Variants in STK3 observed in about 807,000 individuals in gnomAD.
STK3 encodes serine/threonine kinase 3, also known as serine/threonine-protein kinase 3.
A neutral mutation model predicts 58.0 loss-of-function variants in STK3; 41 were observed. The ratio of observed to expected loss-of-function variants is 0.71; its 90% confidence interval spans 0.55 to 0.92. STK3 has a LOEUF of 0.92. Among genes scored for constraint, STK3 ranks in the 40% least tolerant of loss-of-function variants. STK3 has a pLI of 0.00. For synonymous variants in STK3, 170 were observed against 191.0 expected, an observed-to-expected ratio of 0.89 and a Z score of 0.91; for missense variants, 479 against 602.7, an observed-to-expected ratio of 0.79 and a Z score of 2.15.
chr8:98,569,328 A>G (rs1404911647), intron 8 of STK3, among the ~76,000 whole-genome samples: 1 of 152,158 alleles, frequency 6.6e-6, no homozygotes, highest in Non-Finnish European at 1.5e-5. Flanking sequence ...GACAGAAGAC[A>G]GCATCAGGGA....
intron 6 of STK3, among the ~76,000 whole-genome samples, chr8:98,638,810 G>A (rs1325174087): frequency 6.6e-6 from 1 of 152,110 alleles, no homozygotes. Context: ...GAGCACAGAG[G>A]GGGTGGTTTA....
chr8:98,754,720 G>T (rs560598220), intron 3 of STK3, among the ~76,000 whole-genome samples: 5 of 151,992 alleles, frequency 3.3e-5, no homozygotes, highest in Non-Finnish European at 7.4e-5. Flanking sequence ...ATGTTGACCA[G>T]GCTTGTCTTG....
At chr8:98,569,567 T>C (rs1016922934) in intron 8 of STK3, among the ~76,000 whole-genome samples, 1 of 150,998 alleles carries the variant, frequency 6.6e-6, no homozygotes, top group African/African-American at 2.4e-5. Context: ...TTTGGGAATA[T>C]AGCATTTGGG....
At chr8:98,712,459 A>G (rs1345702569) in intron 4 of STK3, among the ~76,000 whole-genome samples, 2 of 151,958 alleles carry the variant, frequency 1.3e-5, no homozygotes, top group Middle Eastern at 3.4e-3. Context: ...CAAATGGAAA[A>G]CAAAAAAAGG....
rs1189807446 is a variant in STK3, at chr8:98,858,323, T to TATATAG, written c.110+25323_110+25324insCTATAT. On this transcript the variant is annotated intron_variant, in intron 3 of 12. Transcript: ENST00000523601. ...ATATATATATATATATATATATATATAGAGAGAGAGAGAGAGAGAGAGAGA... is the reference window on the plus strand; with the variant it reads ...ATATATATATATATATATATATATATATATAGAGAGAGAGAGAGAGAGAGAGAGAGA... Among the ~76,000 whole-genome samples, 109 of 16,266 alleles carry TATATAG rather than the reference T, an allele frequency of 6.7e-3. 1 individual carries two copies. The highest frequency in any genetic ancestry group is 9.5e-3 in the Admixed American group (9 of 948). The allele number at this position is 16,266 out of a possible 152,430, so 10.7% of individuals were successfully genotyped here.
At chr8:98,361,175 G>A in the STK3 span, among the ~76,000 whole-genome samples, 1 of 152,166 alleles carries the variant, frequency 6.6e-6, no homozygotes, top group African/African-American at 2.4e-5. Context: ...ACTTTAATGA[G>A]TGCTCAGAAG....
chr8:98,790,623 C>A (rs1487933671), intron 1 of STK3, among the ~76,000 whole-genome samples: 1 of 152,196 alleles, frequency 6.6e-6, no homozygotes, highest in Non-Finnish European at 1.5e-5. Context: ...AGGATGCCCA[C>A]TCTCACCACT....
chr8:98,904,003 T>C (rs952396201), intron 1 of STK3, among the ~76,000 whole-genome samples: 2 of 152,202 alleles, frequency 1.3e-5, no homozygotes, highest in African/African-American at 2.4e-5. Context: ...GTCTTTTTTT[T>C]CTTAAGTGTT....
chr8:98,495,256 G>A (rs1823033200), intron 10 of STK3, among the ~76,000 whole-genome samples: 1 of 152,120 alleles, frequency 6.6e-6, no homozygotes, highest in African/African-American at 2.4e-5. Context: ...CAAACAGGAG[G>A]AATACATTTT....
chr8:98,700,254 C>T (rs1825443508), intron 6 of STK3, among the ~76,000 whole-genome samples: 1 of 152,228 alleles, frequency 6.6e-6, no homozygotes, highest in Non-Finnish European at 1.5e-5. Flanking sequence ...CCCGATTTTC[C>T]AGGTGCCGTC....
Position 98,749,514 on chromosome 8 carries a change from T to C in STK3, c.237-124A>G, listed in dbSNP as rs61367487. The C allele has an allele frequency of 2.2e-3, 1,041 of 466,274 alleles. 11 individuals carry two copies. The highest frequency in any genetic ancestry group is 0.019 in the African/African-American group (971 of 50,586). 28.9% of individuals were successfully genotyped at this position (466,274 alleles called of 1,614,324 possible). A position where few individuals can be genotyped will look rare whatever the true frequency, so the allele number is the denominator to read the frequency against. ...AATAAGTTAAATAAGTAAATTTCTA[T>C]TGCACATCAAATTCTCAATATCTGG... On this transcript the variant is annotated intron_variant, in intron 3 of 10. Transcript: ENST00000419617.
intron 6 of STK3, among the ~76,000 whole-genome samples, chr8:98,639,583 T>C (rs528843893): frequency 6.6e-6 from 1 of 152,364 alleles, no homozygotes; most frequent in Admixed American, 6.5e-5. Flanking sequence ...TTTAATACTT[T>C]CAATAAGCTT....
intron 10 of STK3, among the ~76,000 whole-genome samples, chr8:98,494,654 CAAAAAAAAAA>C (rs398008984): frequency 5.7e-4 from 23 of 40,458 alleles, no homozygotes; most frequent in African/African-American, 2.4e-3. Context: ...GACCCTGTCT[CAAAAAAAAAA>C]AAAAAAAAAA....
chr8:98,840,738 T>G (rs1835951007), intron 3 of STK3, among the ~76,000 whole-genome samples: 1 of 151,564 alleles, frequency 6.6e-6, no homozygotes, highest in South Asian at 2.1e-4. Context: ...ATGTAACCAT[T>G]TAACATTTAT....
chr8:98,748,863 T>G (rs552276432), intron 4 of STK3, among the ~76,000 whole-genome samples: 2 of 151,946 alleles, frequency 1.3e-5, no homozygotes, highest in African/African-American at 4.8e-5. Flanking sequence ...CAGAAGTATA[T>G]AATTTCTTCA....
intron 4 of STK3, among the ~76,000 whole-genome samples, chr8:98,741,104 A>G (rs1376620173): frequency 6.6e-6 from 1 of 152,180 alleles, no homozygotes; most frequent in Non-Finnish European, 1.5e-5. Flanking sequence ...GCAAGTCCTG[A>G]CTGACCTACA....
intron 4 of STK3, among the ~76,000 whole-genome samples, chr8:98,745,846 A>G (rs138654653): frequency 6.6e-6 from 1 of 152,344 alleles, no homozygotes; most frequent in African/African-American, 2.4e-5. Flanking sequence ...GAAAGACATC[A>G]TTAGGCAACT....
intron 10 of STK3, among the ~76,000 whole-genome samples, chr8:98,484,240 C>G (rs2131292837): frequency 6.6e-6 from 1 of 151,776 alleles, no homozygotes; most frequent in East Asian, 1.9e-4. Flanking sequence ...CTACAAAAAT[C>G]AGGGGAAATA....
downstream of STK3, chr8:98,883,177 G>A (rs3019286): frequency 0.37 from 56,720 of 153,068 alleles, 10,832 homozygotes; most frequent in Admixed American, 0.46. Context: ...ATCCAGGCAC[G>A]CTTACGCAAA....
Sources: allele counts gnomAD v4.1 joint callset (sites outside exome capture counted in the v4.1 genomes callset), GRCh38; gene constraint gnomAD v4.1.1; transcripts MANE v1.5; gene names NCBI Gene and HGNC (gene_info 2026-07-23, HGNC 2026-07-21).